The following TENM4 variants were observed in gnomAD, a reference collection of about 807,000 sequenced individuals.
TENM4 encodes the protein teneurin transmembrane protein 4, also known as teneurin-4.
In TENM4, 82 loss-of-function variants were observed where a neutral mutation model predicts 243.3. The ratio of observed to expected loss-of-function variants is 0.34; its 90% CI spans 0.28 to 0.40. TENM4 has a LOEUF of 0.40. TENM4 is among the 10% of genes least tolerant of loss of function. The pLI is 1.00. For missense variants in TENM4, 3,138 were observed against 3,673.3 expected, an observed-to-expected ratio of 0.85 and a Z score of 3.77; for synonymous variants, 1,412 against 1,456.3, an observed-to-expected ratio of 0.97 and a Z score of 0.69.
intron 5 of TENM4, among the ~76,000 whole-genome samples, chr11:79,066,718 T>A (rs1236295327): frequency 2.1e-5 from 2 of 96,638 alleles, no homozygotes; most frequent in East Asian, 4.9e-4. Context: ...GCATGCACAC[T>A]CGAGCACACA....
intron 27 of TENM4, among the ~76,000 whole-genome samples, chr11:78,704,180 T>C (rs1396080897): frequency 1.4e-5 from 2 of 143,458 alleles, no homozygotes; most frequent in South Asian, 2.2e-4. Context: ...TATATATATA[T>C]ATATATATAT....
chr11:79,164,818 A>G (rs1283113587), intron 3 of TENM4, among the ~76,000 whole-genome samples: 12 of 151,792 alleles, frequency 7.9e-5, no homozygotes, highest in African/African-American at 2.9e-4. Flanking sequence ...CCACCAGGTA[A>G]GAAGTGCCTT....
intron 16 of TENM4, 112 bp downstream of exon 16, chr11:78,786,786 T>G: frequency 6.9e-7 from 1 of 1,443,090 alleles, no homozygotes; most frequent in Non-Finnish European, 9.3e-7. Flanking sequence ...TGAAAGGACT[T>G]TCTTCCCCAT....
chr11:78,879,421 C>A (rs1230697802), intron 9 of TENM4, among the ~76,000 whole-genome samples: 1 of 150,306 alleles, frequency 6.7e-6, no homozygotes, highest in Non-Finnish European at 1.5e-5. Flanking sequence ...TGCCTCTGCC[C>A]GGCCGCCCCG....
At chr11:79,227,943 G>A (rs1046063954) in intron 2 of TENM4, among the ~76,000 whole-genome samples, 4 of 152,198 alleles carry the variant, frequency 2.6e-5, no homozygotes, top group African/African-American at 9.6e-5. Context: ...CAACTGTAGA[G>A]GGTAGCATTG....
At chr11:79,212,697 C>T (rs919968966) in intron 3 of TENM4, among the ~76,000 whole-genome samples, 3 of 152,102 alleles carry the variant, frequency 2.0e-5, no homozygotes, top group African/African-American at 4.8e-5. Context: ...CTCCACAGTC[C>T]CCATTTCCTC....
At chr11:78,869,415 G>A (rs1162821029) in intron 9 of TENM4, among the ~76,000 whole-genome samples, 1 of 149,474 alleles carries the variant, frequency 6.7e-6, no homozygotes, top group African/African-American at 2.4e-5. Flanking sequence ...TACAGCAGAC[G>A]ATTATTTCCT....
At chr11:79,212,874 G>T (rs934876361) in intron 3 of TENM4, among the ~76,000 whole-genome samples, 1 of 152,138 alleles carries the variant, frequency 6.6e-6, no homozygotes, top group Non-Finnish European at 1.5e-5. Context: ...ACAAGTCTCC[G>T]CCTCCTGACC....
intron 3 of TENM4, among the ~76,000 whole-genome samples, chr11:79,214,271 A>C (rs1015173871): frequency 6.6e-6 from 1 of 152,216 alleles, no homozygotes; most frequent in Non-Finnish European, 1.5e-5. Context: ...CTGGGATTAC[A>C]GGCTTGAGCC....
intron 25 of TENM4, among the ~76,000 whole-genome samples, chr11:78,714,232 T>C (rs74782922): frequency 0.02 from 2,989 of 152,334 alleles, 104 homozygotes; most frequent in African/African-American, 0.068. Flanking sequence ...AATTTTATTT[T>C]ACAGATTTGT....
intron 6 of TENM4, among the ~76,000 whole-genome samples, chr11:78,978,029 A>AAAGGATGAGTTCATGTCCTTCTCAGGGAC (rs1565152158): frequency 4.6e-5 from 7 of 152,226 alleles, no homozygotes; most frequent in Non-Finnish European, 1.0e-4. Flanking sequence ...CAGCCATGAA[A>AAAGGATGAGTTCATGTCCTTCTCAGGGAC]AAGGATGAGT....
At chr11:78,684,124 T>G (rs1858594691) in intron 29 of TENM4, among the ~76,000 whole-genome samples, 1 of 152,208 alleles carries the variant, frequency 6.6e-6, no homozygotes, top group Admixed American at 6.5e-5. Flanking sequence ...CTGAGGGGTG[T>G]GGGAGTCACT....
At chr11:78,762,042 C>T (rs191846551) in intron 18 of TENM4, among the ~76,000 whole-genome samples, 22 of 152,272 alleles carry the variant, frequency 1.4e-4, no homozygotes, top group South Asian at 1.2e-3. Context: ...ATTTTATACA[C>T]GAACAGTTGT....
At chr11:79,138,483 A>C in intron 4 of TENM4, among the ~76,000 whole-genome samples, 1 of 90,458 alleles carries the variant, frequency 1.1e-5, no homozygotes, top group Non-Finnish European at 2.1e-5. Flanking sequence ...TATACAAATA[A>C]TATATATTTA....
intron 2 of TENM4, among the ~76,000 whole-genome samples, chr11:79,226,024 C>T (rs1485811706): frequency 2.0e-5 from 3 of 152,104 alleles, no homozygotes; most frequent in African/African-American, 7.2e-5. Flanking sequence ...GAGACAAGAT[C>T]CCTCCTGTCT....
chr11:78,696,359 C>T (rs1858961650), intron 28 of TENM4, among the ~76,000 whole-genome samples: 1 of 152,198 alleles, frequency 6.6e-6, no homozygotes, highest in Admixed American at 6.5e-5. Context: ...ATAGTTTCAA[C>T]ACCTGTGTCA....
At chr11:79,385,653 G>T (rs1858096090) in intron 1 of TENM4, among the ~76,000 whole-genome samples, 2 of 152,058 alleles carry the variant, frequency 1.3e-5, no homozygotes, top group Admixed American at 1.3e-4. Context: ...AAGTAAATTT[G>T]CTTTACTTTA....
intron 27 of TENM4, among the ~76,000 whole-genome samples, chr11:78,707,469 C>G (rs117249471): frequency 0.012 from 1,810 of 152,360 alleles, 19 homozygotes; most frequent in Non-Finnish European, 0.017. Flanking sequence ...CAGGGTCCGT[C>G]CCTTCCTGGA....
intron 28 of TENM4, among the ~76,000 whole-genome samples, chr11:78,692,807 C>T (rs561801696): frequency 1.7e-4 from 26 of 152,304 alleles, no homozygotes; most frequent in African/African-American, 4.8e-4. Context: ...GTTCCCTCTG[C>T]GGGAATGCTC....
Sources: allele counts gnomAD v4.1 joint callset (sites outside exome capture counted in the v4.1 genomes callset), GRCh38; gene constraint gnomAD v4.1.1; transcripts MANE v1.5; gene names NCBI Gene and HGNC (gene_info 2026-07-23, HGNC 2026-07-21).